TACC2: variants seen among roughly 807,000 people sequenced by gnomAD.
TACC2 encodes transforming acidic coiled-coil-containing protein 2.
TACC2 carries 137 observed loss-of-function variants against 227.3 expected under a neutral mutation model. That is an observed-to-expected ratio of 0.60 (90% CI 0.52 to 0.69). TACC2 has a LOEUF of 0.69. Among genes scored for constraint, TACC2 ranks in the 30% least tolerant of loss-of-function variants. TACC2 has a pLI of 0.00. For missense variants in TACC2, 3,470 were observed against 3,694.4 expected (o/e 0.94, Z 1.57); for synonymous variants, 1,523 against 1,487.5 (o/e 1.02, Z -0.55).
chr10:122,249,589 G>C lies in TACC2; in HGVS notation c.8706G>C (p.Glu2902Asp). The change falls in exon 22 of 23, where the codon GAG (glutamate) becomes GAC (aspartate). Residue 2902 changes from glutamate to aspartate, a missense_variant. By Grantham distance (45) the Glu-to-Asp change is conservative. Transcript: ENST00000369005. ...AGGTTCGAGGCAAGGCCCAGCAGGA[G>C]CAAGCCGCCCACCAGGCCAGCCTGC... Reference protein sequence around the residue: ...IAQVRGKAQQEQAAHQASLRK... With the variant: ...IAQVRGKAQQDQAAHQASLRK... The C allele has an allele frequency of 6.2e-7, 1 of 1,614,164 alleles. No homozygotes were observed. Among genetic ancestry groups the C allele is most frequent in the Non-Finnish European group, 8.5e-7 (1 of 1,180,036 alleles).
intron 3 of TACC2, among the ~76,000 whole-genome samples, chr10:122,062,162 A>G (rs2076909397): frequency 6.6e-6 from 1 of 151,146 alleles, no homozygotes; most frequent in Non-Finnish European, 1.5e-5. Flanking sequence ...CCTCCTGAGT[A>G]GCTGGGACTA....
At chr10:122,190,760 G>T (rs1456322062) in intron 7 of TACC2, among the ~76,000 whole-genome samples, 4 of 152,136 alleles carry the variant, frequency 2.6e-5, no homozygotes, top group Non-Finnish European at 4.4e-5. Context: ...TGTGCAGCGG[G>T]GGGAGAAACC....
chr10:122,134,234 C>G (rs2089042315), intron 6 of TACC2, among the ~76,000 whole-genome samples: 2 of 150,896 alleles, frequency 1.3e-5, no homozygotes, highest in Non-Finnish European at 2.9e-5. Context: ...TACAGTGGCA[C>G]AATCTCTGCT....
intron 3 of TACC2, among the ~76,000 whole-genome samples, chr10:122,073,541 G>C (rs1030701271): frequency 2.0e-5 from 3 of 152,146 alleles, no homozygotes; most frequent in Non-Finnish European, 4.4e-5. Context: ...TTAATGTAAG[G>C]CTGTGCTTTC....
intron 12 of TACC2, among the ~76,000 whole-genome samples, chr10:122,225,420 G>A (rs2095608114): frequency 6.6e-6 from 1 of 152,230 alleles, no homozygotes; most frequent in South Asian, 2.1e-4. Flanking sequence ...GTTGCTGTAA[G>A]TTAGACCTGA....
intron 6 of TACC2, among the ~76,000 whole-genome samples, chr10:122,134,579 T>C (rs554527435): frequency 2.6e-5 from 4 of 152,310 alleles, no homozygotes; most frequent in South Asian, 4.1e-4. Context: ...GTACAGAAGT[T>C]TCCAGTGAGA....
intron 11 of TACC2, among the ~76,000 whole-genome samples, chr10:122,221,966 C>T (rs1372852683): frequency 6.6e-6 from 1 of 152,150 alleles, no homozygotes; most frequent in African/African-American, 2.4e-5. Flanking sequence ...ATTGAAGGCC[C>T]CTCGCTGTGC....
At chr10:122,055,747 G>A (rs2076155936) in intron 3 of TACC2, among the ~76,000 whole-genome samples, 1 of 152,212 alleles carries the variant, frequency 6.6e-6, no homozygotes. Context: ...CCAAAAAATG[G>A]CAGATAAGCC....
intron 1 of TACC2, among the ~76,000 whole-genome samples, chr10:122,000,195 C>T (rs1482870041): frequency 6.6e-6 from 1 of 152,012 alleles, no homozygotes; most frequent in Non-Finnish European, 1.5e-5. Flanking sequence ...ATCGAGACCA[C>T]GGTGAAACCC....
At position 122,083,949 on chromosome 10, in the gene TACC2, AG is replaced by A. The variant is rs1232852759; in HGVS notation, c.1453del (p.Asp485ThrfsTer17). 5 of 1,613,934 alleles carry A rather than the reference AG, an allele frequency of 3.1e-6. No individual in the cohort carries two copies. The highest frequency in any genetic ancestry group is 4.2e-6 in the Non-Finnish European group (5 of 1,180,006). The stretch of plus-strand genomic sequence containing the variant: ...TTGGAAGCAAGGGAGAGCATCCAGA[AG>A]GGGACCCTGGAGAGGTTCCTGCCCC... ...DLGSKGEHPE[G>X]DPGEVPAPSP... On this transcript the variant is annotated frameshift_variant, in exon 4 of 23. Coordinates refer to ENST00000369005, the MANE Select transcript of TACC2 (RefSeq NM_206862.4). LOFTEE classifies it high-confidence loss of function.
intron 1 of TACC2, among the ~76,000 whole-genome samples, chr10:121,999,834 C>T (rs1954053103): frequency 6.6e-6 from 1 of 152,224 alleles, no homozygotes. Context: ...TCGGTCACTC[C>T]TTCCAGAGCT....
chr10:122,158,327 T>C lies in TACC2; in HGVS notation c.5834+14621T>C, dbSNP rs539807616. ...TTGCTTGAACCCAGGAGGCAGAGGTTGCAGTGAGCTGAGATCGTGCCACTG... is the reference window on the plus strand; with the variant it reads ...TTGCTTGAACCCAGGAGGCAGAGGTCGCAGTGAGCTGAGATCGTGCCACTG... On this transcript the variant is annotated intron_variant, in intron 7 of 22. Coordinates refer to ENST00000369005, the MANE Select transcript of TACC2 (RefSeq NM_206862.4). Among the ~76,000 whole-genome samples, 136 of 151,736 alleles carry C rather than the reference T, an allele frequency of 9.0e-4. 1 individual carries two copies. Among genetic ancestry groups the C allele is most frequent in the African/African-American group, 3.2e-3 (132 of 41,364 alleles).
chr10:122,208,009 G>A (rs1177348827), intron 8 of TACC2, among the ~76,000 whole-genome samples: 1 of 152,186 alleles, frequency 6.6e-6, no homozygotes, highest in African/African-American at 2.4e-5. Context: ...AGGAAGAGGA[G>A]GTCACGGCTG....
rs762563927 is a variant in TACC2 at position 122,226,380 on chromosome 10, C to G, written c.7623C>G (p.Ala2541=). 6.2e-7 allele frequency: 1 copy of G among 1,613,824 alleles called. No homozygotes were observed. Among genetic ancestry groups the G allele is most frequent in the East Asian group, 2.2e-5 (1 of 44,858 alleles). The part of the protein sequence containing the change: ...IGSSLPQDDD[A]PKKQALYLMF... ...GATCCCTGCAGCAGGACGACGATGC[C>G]CCGAAGAAGCAGGCCTTGTACCTTA... The change falls in exon 13 of 23, where the codon GCC becomes GCG. Residue 2541 remains alanine, a synonymous_variant. Transcript: ENST00000369005.
At chr10:122,222,806 G>C (rs899738372) in intron 11 of TACC2, among the ~76,000 whole-genome samples, 1 of 152,214 alleles carries the variant, frequency 6.6e-6, no homozygotes, top group African/African-American at 2.4e-5. Context: ...GCCCTGTGCT[G>C]TACTGGAGTG....
At position 122,238,183 on chromosome 10, in the gene TACC2, G is replaced by T. The variant is rs1026909317; in HGVS notation, c.8348+146G>T. The T allele has an allele frequency of 4.0e-5, 24 of 605,534 alleles. No individual in the cohort carries two copies. The South Asian group carries it at 5.5e-4, about 14-fold the overall frequency. 37.5% of individuals were successfully genotyped at this position (605,534 alleles called of 1,614,324 possible). On this transcript the variant is annotated intron_variant, in intron 18 of 22. Coordinates refer to ENST00000369005, the MANE Select transcript of TACC2 (RefSeq NM_206862.4). The stretch of plus-strand genomic sequence containing the variant: ...ACACACAGTTCATATTTTTCTAAAA[G>T]TATTTTTACTCTATTACTATTACTA...
chr10:122,066,579 T>C (rs1453475194), intron 3 of TACC2, among the ~76,000 whole-genome samples: 1 of 152,040 alleles, frequency 6.6e-6, no homozygotes. Flanking sequence ...ATTTTTGTAT[T>C]TTCAGTAGAG....
At chr10:122,016,206 G>A (rs1284233871) in intron 1 of TACC2, among the ~76,000 whole-genome samples, 1 of 145,956 alleles carries the variant, frequency 6.9e-6, no homozygotes, top group Non-Finnish European at 1.5e-5. Flanking sequence ...AGTCTGCAGT[G>A]AGCCATGATC....
At chr10:122,019,166 C>T (rs1470223915) in intron 1 of TACC2, among the ~76,000 whole-genome samples, 1 of 152,228 alleles carries the variant, frequency 6.6e-6, no homozygotes, top group Admixed American at 6.5e-5. Flanking sequence ...CCTCCTCCAT[C>T]CAGGGTGGGC....
Sources: gnomAD v4.1 joint callset for allele counts (sites outside exome capture counted in the v4.1 genomes callset) on GRCh38, gnomAD v4.1.1 for gene constraint, MANE v1.5 for transcripts, NCBI Gene and HGNC (gene_info 2026-07-23, HGNC 2026-07-21) for gene names.